Variants in FRMD4A observed in about 807,000 individuals in gnomAD.
The protein encoded by FRMD4A is FERM domain containing 4A, also known as FERM domain-containing protein 4A.
Under a neutral mutation model 129.1 loss-of-function variants are expected in FRMD4A, and 29 were observed. That is an observed-to-expected ratio of 0.22 (90% CI 0.17 to 0.31). The LOEUF is 0.31. Ranked by LOEUF, FRMD4A falls within the 10% of genes least tolerant of loss-of-function variation. The probability of loss-of-function intolerance (pLI) is 1.00; values close to 1 mark genes in which losing one functional copy is unlikely to be tolerated. For missense variants in FRMD4A, 1,272 were observed against 1,375.8 expected (o/e 0.92, Z 1.19); for synonymous variants, 634 against 571.6 (o/e 1.11, Z -1.56).
At chr10:13,852,970 A>T (rs762765787) in intron 3 of FRMD4A, among the ~76,000 whole-genome samples, 1 of 152,120 alleles carries the variant, frequency 6.6e-6, no homozygotes, top group Non-Finnish European at 1.5e-5. Context: ...CCCTTAGAAA[A>T]CACAGACTAG....
At chr10:13,888,271 C>T (rs992109938) in intron 2 of FRMD4A, among the ~76,000 whole-genome samples, 4 of 152,168 alleles carry the variant, frequency 2.6e-5, no homozygotes, top group Non-Finnish European at 5.9e-5. Context: ...TCTGATTTTG[C>T]TATTGGAGGA....
chr10:13,901,892 A>C (rs1292217948), intron 2 of FRMD4A, among the ~76,000 whole-genome samples: 1 of 152,228 alleles, frequency 6.6e-6, no homozygotes, highest in Non-Finnish European at 1.5e-5. Context: ...GCCACCCCAT[A>C]GAAGTCAGAC....
At chr10:13,696,397 G>A (rs2086229123) in intron 14 of FRMD4A, among the ~76,000 whole-genome samples, 1 of 152,150 alleles carries the variant, frequency 6.6e-6, no homozygotes, top group South Asian at 2.1e-4. Flanking sequence ...AACTCACGAA[G>A]GCCTAGACCA....
At position 14,167,206 on chromosome 10, in the gene FRMD4A, C is replaced by G. The variant is rs113471280; in HGVS notation, c.45+162852G>C. Among the ~76,000 whole-genome samples, 1,455 of 152,122 alleles carry G rather than the reference C, an allele frequency of 9.6e-3. 26 individuals are homozygous for G. Among genetic ancestry groups the G allele is most frequent in the African/African-American group, 0.033 (1,381 of 41,484 alleles). On this transcript the variant is annotated intron_variant, in intron 2 of 24. Transcript: ENST00000357447. ...ATCATTTCTCCGCAGAAAATAAGTA[C>G]GTCATATATATGCCAATAAAGTTAA... is the stretch of plus-strand genomic sequence containing the variant.
Position 14,144,068 on chromosome 10 carries a change from G to A in FRMD4A, c.45+185990C>T, listed in dbSNP as rs755141095. Among the ~76,000 whole-genome samples the A allele has an allele frequency of 1.2e-3, 190 of 152,276 alleles. 1 individual carries two copies. Among genetic ancestry groups the A allele is most frequent in the Non-Finnish European group, 1.1e-3 (76 of 68,026 alleles). The stretch of plus-strand genomic sequence containing the variant: ...AATAAAATGCTCAAACCAAGGAGAC[G>A]CTAACATGTGGGGCAGTGCACATGA... On this transcript the variant is annotated intron_variant, in intron 2 of 24. Coordinates refer to ENST00000357447, the MANE Select transcript of FRMD4A (RefSeq NM_018027.5).
intron 2 of FRMD4A, among the ~76,000 whole-genome samples, chr10:13,978,380 C>G (rs760797881): frequency 4.6e-5 from 7 of 152,278 alleles, no homozygotes; most frequent in Non-Finnish European, 8.8e-5. Flanking sequence ...TGTCCTCTTC[C>G]TCTCTCAACA....
intron 2 of FRMD4A, among the ~76,000 whole-genome samples, chr10:13,893,054 A>G (rs1432343933): frequency 1.3e-5 from 2 of 152,076 alleles, no homozygotes; most frequent in Non-Finnish European, 2.9e-5. Context: ...TGTTTGTTAT[A>G]GAGACAGAGT....
At chr10:14,261,013 T>C (rs769312051) in intron 2 of FRMD4A, among the ~76,000 whole-genome samples, 1 of 152,152 alleles carries the variant, frequency 6.6e-6, no homozygotes, top group African/African-American at 2.4e-5. Context: ...TCTTTGTACC[T>C]AAGCATCTAG....
chr10:14,201,554 C>G (rs10906626), intron 2 of FRMD4A, among the ~76,000 whole-genome samples: 77,692 of 151,992 alleles, frequency 0.51, 21,611 homozygotes, highest in Non-Finnish European at 0.63. Flanking sequence ...CTCCCATTCG[C>G]TTTTCTGCCT....
intron 2 of FRMD4A, among the ~76,000 whole-genome samples, chr10:13,998,564 C>T (rs7478262): frequency 0.26 from 38,990 of 151,974 alleles, 5,869 homozygotes; most frequent in East Asian, 0.59. Flanking sequence ...CAGTCTCTCC[C>T]GCCCAGGCTG....
chr10:13,712,586 G>A (rs2088136301), intron 12 of FRMD4A, among the ~76,000 whole-genome samples: 1 of 151,952 alleles, frequency 6.6e-6, no homozygotes, highest in African/African-American at 2.4e-5. Context: ...AAACTTAGAG[G>A]AAACCACCAA....
intron 4 of FRMD4A, among the ~76,000 whole-genome samples, 182 bp from the exon 5 acceptor site, chr10:13,796,770 G>C (rs1452033414): frequency 6.6e-6 from 1 of 152,090 alleles, no homozygotes; most frequent in African/African-American, 2.4e-5. Context: ...ACCCAGGCTG[G>C]AGTGCAGTGG....
chr10:13,652,793 A>C (rs2081761948), intron 23 of FRMD4A: 1 of 152,176 alleles, frequency 6.6e-6, no homozygotes, highest in Admixed American at 6.5e-5. Context: ...GGCTTATCAG[A>C]ATGCAGCCTG....
chr10:13,975,298 ATGTG>A (rs759599024), intron 2 of FRMD4A, among the ~76,000 whole-genome samples: 10 of 146,472 alleles, frequency 6.8e-5, no homozygotes, highest in Non-Finnish European at 1.4e-4. Context: ...TCATATGTTA[ATGTG>A]TGTGTGTATG....
At chr10:14,062,628 C>T (rs1291084137) in intron 2 of FRMD4A, among the ~76,000 whole-genome samples, 4 of 152,192 alleles carry the variant, frequency 2.6e-5, no homozygotes, top group African/African-American at 9.7e-5. Flanking sequence ...AAGTAGGTGT[C>T]ATTTGTTTTC....
chr10:13,788,073 C>G (rs1003439931), intron 5 of FRMD4A, among the ~76,000 whole-genome samples: 4 of 152,256 alleles, frequency 2.6e-5, no homozygotes, highest in Non-Finnish European at 5.9e-5. Flanking sequence ...ATGGACAGTT[C>G]CGAGTCTGGC....
At chr10:13,886,090 T>C (rs1203721656) in intron 2 of FRMD4A, among the ~76,000 whole-genome samples, 3 of 152,218 alleles carry the variant, frequency 2.0e-5, no homozygotes, top group Non-Finnish European at 4.4e-5. Context: ...ATCACATCTA[T>C]ATACTTCTTC....
At chr10:13,828,396 G>C (rs2130929850) in intron 3 of FRMD4A, among the ~76,000 whole-genome samples, 1 of 152,184 alleles carries the variant, frequency 6.6e-6, no homozygotes, top group East Asian at 1.9e-4. Context: ...ATGTGTATTT[G>C]GCTTTTTGTT....
At chr10:13,979,764 C>T (rs1006704163) in intron 2 of FRMD4A, among the ~76,000 whole-genome samples, 8 of 152,110 alleles carry the variant, frequency 5.3e-5, no homozygotes, top group Non-Finnish European at 1.2e-4. Context: ...AAATCTCTAG[C>T]GTCTTGAGTG....
Sources: gnomAD v4.1 joint callset for allele counts (sites outside exome capture counted in the v4.1 genomes callset) on GRCh38, gnomAD v4.1.1 for gene constraint, MANE v1.5 for transcripts, NCBI Gene and HGNC (gene_info 2026-07-23, HGNC 2026-07-21) for gene names.